Variants in ZNF69 observed in about 807,000 individuals in gnomAD.
The protein encoded by ZNF69 is ZNF3.
A neutral mutation model predicts 50.9 loss-of-function variants in ZNF69; 47 were observed. That is an observed-to-expected ratio of 0.92 (90% CI 0.73 to 1.18). The LOEUF is 1.18. Among genes scored for constraint, ZNF69 ranks in the 50% most tolerant of loss-of-function variants. The probability of loss-of-function intolerance (pLI) is 0.00; values close to 1 mark genes in which losing one functional copy is unlikely to be tolerated. For synonymous variants in ZNF69, 216 were observed against 223.1 expected (o/e 0.97, Z 0.29); for missense variants, 717 against 675.1 (o/e 1.06, Z -0.69).
chr19:11,976,326 G>T, the ZNF69 span, among the ~76,000 whole-genome samples: 1 of 151,626 alleles, frequency 6.6e-6, no homozygotes, highest in African/African-American at 2.4e-5. Flanking sequence ...TTTCTCCTTA[G>T]ATTCAGTGAA....
chr19:11,916,254 T>G (rs1392531037), downstream of ZNF69, among the ~76,000 whole-genome samples: 1 of 152,168 alleles, frequency 6.6e-6, no homozygotes, highest in Non-Finnish European at 1.5e-5. Context: ...ATTAAATAAA[T>G]ATCTTAAAAG....
chr19:11,958,326 C>T, the ZNF69 span, among the ~76,000 whole-genome samples: 1 of 152,052 alleles, frequency 6.6e-6, no homozygotes, highest in African/African-American at 2.4e-5. Flanking sequence ...CAGGTGGCCC[C>T]TAGGGCTTTG....
intron 1 of ZNF69, 99 bp downstream of exon 1, chr19:11,888,085 T>G: frequency 1.7e-6 from 2 of 1,204,160 alleles, no homozygotes; most frequent in East Asian, 5.5e-5. Flanking sequence ...CGGGCGACTT[T>G]GGGATCTGGG....
the ZNF69 span, chr19:11,947,671 A>G: frequency 1.7e-6 from 2 of 1,164,098 alleles, no homozygotes; most frequent in Non-Finnish European, 2.5e-6. Flanking sequence ...TAAATCCAGC[A>G]TCAAATTCAT....
At chr19:11,890,824 G>A (rs933842988) in intron 1 of ZNF69, among the ~76,000 whole-genome samples, 2 of 152,158 alleles carry the variant, frequency 1.3e-5, no homozygotes, top group Non-Finnish European at 2.9e-5. Context: ...TACATGAGGA[G>A]ACAAACCAGA....
chr19:11,901,631 T>C (rs995378453), intron 1 of ZNF69, among the ~76,000 whole-genome samples: 4 of 152,098 alleles, frequency 2.6e-5, no homozygotes, highest in African/African-American at 9.7e-5. Flanking sequence ...ACTATAGGCA[T>C]GTGCCACCAT....
chr19:11,978,721 A>G, the ZNF69 span: 3 of 1,613,786 alleles, frequency 1.9e-6, no homozygotes, highest in African/African-American at 4.0e-5. Context: ...AAAGCATTCC[A>G]TAGTTCCAGT....
chr19:11,966,040 T>C, the ZNF69 span, among the ~76,000 whole-genome samples: 1 of 152,164 alleles, frequency 6.6e-6, no homozygotes, highest in Non-Finnish European at 1.5e-5. Flanking sequence ...GGGTCTGTTA[T>C]CTGCCACTTG....
chr19:11,944,129 A>G, the ZNF69 span, among the ~76,000 whole-genome samples: 1 of 152,040 alleles, frequency 6.6e-6, no homozygotes, highest in East Asian at 1.9e-4. Context: ...AGAATAAGCT[A>G]ATGGGGCGTT....
At chr19:11,903,447 A>G in intron 1 of ZNF69, 126 bp from the exon 2 acceptor site, 1 of 1,463,200 alleles carries the variant, frequency 6.8e-7, no homozygotes, top group Admixed American at 2.3e-5. Flanking sequence ...GTAAGTATAC[A>G]CAGGGAGAAA....
the ZNF69 span, among the ~76,000 whole-genome samples, chr19:11,925,515 CCT>C: frequency 1.7e-3 from 257 of 152,280 alleles, 7 homozygotes; most frequent in South Asian, 0.019. Flanking sequence ...GCCCCGGAGC[CCT>C]CTCTGGGCAG....
chr19:11,957,314 T>C, the ZNF69 span, among the ~76,000 whole-genome samples: 1 of 151,686 alleles, frequency 6.6e-6, no homozygotes, highest in African/African-American at 2.4e-5. Context: ...CAGGATGATC[T>C]CAATCTCCTG....
chr19:11,946,780 T>G, the ZNF69 span: 2 of 160,678 alleles, frequency 1.2e-5, no homozygotes, highest in Non-Finnish European at 2.7e-5. Flanking sequence ...GGGGTGGGCT[T>G]ACTTTGTGTC....
the ZNF69 span, among the ~76,000 whole-genome samples, chr19:11,931,029 C>T: frequency 2.0e-5 from 3 of 147,394 alleles, 1 homozygote; most frequent in South Asian, 4.2e-4. Context: ...TAGATGCCCT[C>T]GTTTCACAAT....
chr19:11,946,461 C>T, the ZNF69 span, among the ~76,000 whole-genome samples: 1 of 152,096 alleles, frequency 6.6e-6, no homozygotes, highest in Non-Finnish European at 1.5e-5. Context: ...GGAGAGATCC[C>T]TCATTGGCTA....
At chr19:11,964,262 C>T in the ZNF69 span, among the ~76,000 whole-genome samples, 2 of 152,304 alleles carry the variant, frequency 1.3e-5, no homozygotes, top group East Asian at 3.9e-4. Flanking sequence ...GACGTGCAGA[C>T]GCCTTTGTGG....
chr19:11,920,255 G>A, the ZNF69 span, among the ~76,000 whole-genome samples: 102 of 152,124 alleles, frequency 6.7e-4, no homozygotes, highest in African/African-American at 2.4e-3. Context: ...AGGATCACAG[G>A]TGTGCACTAC....
the ZNF69 span, among the ~76,000 whole-genome samples, chr19:11,954,218 A>G: frequency 6.6e-6 from 1 of 152,216 alleles, no homozygotes; most frequent in Non-Finnish European, 1.5e-5. Flanking sequence ...CAGATGTGGC[A>G]TGGCCAAAAA....
the ZNF69 span, among the ~76,000 whole-genome samples, chr19:11,924,698 G>A: frequency 1.3e-5 from 2 of 152,090 alleles, no homozygotes; most frequent in African/African-American, 2.4e-5. Context: ...GAGGACATAT[G>A]CCTCTCCTCC....
Sources: gnomAD v4.1 joint callset for allele counts (sites outside exome capture counted in the v4.1 genomes callset) on GRCh38, gnomAD v4.1.1 for gene constraint, MANE v1.5 for transcripts, NCBI Gene and HGNC (gene_info 2026-07-23, HGNC 2026-07-21) for gene names.